The following IFTAP variants were observed in gnomAD, a reference collection of about 807,000 sequenced individuals.
IFTAP encodes the protein intraflagellar transport associated protein.
A neutral mutation model predicts 19.4 loss-of-function variants in IFTAP; 19 were observed. The ratio of observed to expected loss-of-function variants is 0.98; its 90% CI spans 0.68 to 1.44. The LOEUF (loss-of-function observed/expected upper bound fraction) is 1.44, where lower values mean the gene tolerates loss of function less well. Ranked by LOEUF, IFTAP falls within the 40% of genes most tolerant of loss-of-function variation. The pLI is 0.00. For missense variants in IFTAP, 240 were observed against 253.6 expected (o/e 0.95, Z 0.36); for synonymous variants, 85 against 83.5 (o/e 1.02, Z -0.10).
chr11:36,605,438 G>A (rs927635766), intron 1 of IFTAP, among the ~76,000 whole-genome samples: 9 of 152,162 alleles, frequency 5.9e-5, no homozygotes, highest in South Asian at 2.1e-4. Flanking sequence ...CATTAAGCAG[G>A]GACCTGAAAG....
intron 2 of IFTAP, among the ~76,000 whole-genome samples, chr11:36,611,287 T>C (rs932167803): frequency 2.0e-5 from 3 of 152,074 alleles, no homozygotes; most frequent in African/African-American, 7.2e-5. Context: ...AGACCATTGG[T>C]TCTCTACCTA....
intron 4 of IFTAP, among the ~76,000 whole-genome samples, chr11:36,642,451 CT>C (rs1853259902): frequency 6.6e-6 from 1 of 152,172 alleles, no homozygotes; most frequent in Non-Finnish European, 1.5e-5. Context: ...GGTACCATTC[CT>C]TCTGAAACTA....
chr11:36,633,738 A>G (rs10836580), intron 3 of IFTAP, among the ~76,000 whole-genome samples: 23,445 of 152,040 alleles, frequency 0.15, 2,613 homozygotes, highest in African/African-American at 0.31. Context: ...TTTGGGACAA[A>G]AGAGCTCCTT....
intron 2 of IFTAP, among the ~76,000 whole-genome samples, chr11:36,627,333 G>A (rs1401769340): frequency 6.6e-6 from 1 of 150,970 alleles, no homozygotes; most frequent in Non-Finnish European, 1.5e-5. Context: ...GCTTTGTGGT[G>A]TGTAAATTAC....
chr11:36,611,034 A>T (rs564377225), intron 2 of IFTAP, among the ~76,000 whole-genome samples: 1 of 152,176 alleles, frequency 6.6e-6, no homozygotes, highest in Non-Finnish European at 1.5e-5. Flanking sequence ...CAGTGAGAAG[A>T]TCTGTTACTT....
rs545908849 is a variant in IFTAP, at chr11:36,636,369, T to C, written c.358+252T>C. ...TCCCCCTTAACAATTCATCACAGGA[T>C]TGATTCTTAGGTAATTGTCTCAAGT... On this transcript the variant is annotated intron_variant, in intron 4 of 5. Transcript: ENST00000334307. Among the ~76,000 whole-genome samples, 3 of 152,344 alleles carry C rather than the reference T, an allele frequency of 2.0e-5. No homozygotes were observed. In the South Asian group the frequency reaches 6.2e-4, roughly 32 times the overall value.
intron 5 of IFTAP, among the ~76,000 whole-genome samples, chr11:36,649,562 A>G (rs768783570): frequency 5.9e-5 from 9 of 152,148 alleles, no homozygotes; most frequent in Admixed American, 6.6e-5. Context: ...TTGAGAATAT[A>G]TATAATCTAG....
intron 2 of IFTAP, among the ~76,000 whole-genome samples, chr11:36,618,349 C>T (rs930576299): frequency 2.6e-5 from 4 of 151,964 alleles, no homozygotes; most frequent in Non-Finnish European, 4.4e-5. Context: ...CTCTGCCTTC[C>T]GTAGGGCATC....
chr11:36,612,728 A>G (rs1304138882), intron 2 of IFTAP, among the ~76,000 whole-genome samples: 1 of 152,006 alleles, frequency 6.6e-6, no homozygotes, highest in Non-Finnish European at 1.5e-5. Context: ...TGACTGTTCT[A>G]TTTATTTTTA....
Position 36,634,889 on chromosome 11 carries a change from G to C in IFTAP, c.292-1162G>C, listed in dbSNP as rs143777178. Among the ~76,000 whole-genome samples, 711 of 151,886 alleles carry C rather than the reference G, an allele frequency of 4.7e-3. 4 individuals are homozygous for C. The highest frequency in any genetic ancestry group is 0.016 in the African/African-American group (654 of 41,452). On this transcript the variant is annotated intron_variant, in intron 3 of 5. Coordinates refer to ENST00000334307, the MANE Select transcript of IFTAP (RefSeq NM_138787.4). ...CTGGGTTCTGGATCTTTTTTCCTTA[G>C]AGCTTAATAAATGAAAGGGGTGCTT...
chr11:36,625,190 T>C (rs769546897), intron 2 of IFTAP, among the ~76,000 whole-genome samples: 13 of 152,126 alleles, frequency 8.5e-5, no homozygotes, highest in Non-Finnish European at 1.8e-4. Flanking sequence ...ATGTGTAAAA[T>C]AGATATAATA....
intron 4 of IFTAP, among the ~76,000 whole-genome samples, chr11:36,638,317 A>T (rs1205743121): frequency 6.6e-6 from 1 of 152,208 alleles, no homozygotes; most frequent in Non-Finnish European, 1.5e-5. Context: ...ATTGATAAAA[A>T]CATCTTACTA....
At chr11:36,594,738 C>A (rs934501685) in intron 1 of IFTAP, 146 bp downstream of exon 1, 4 of 157,326 alleles carry the variant, frequency 2.5e-5, no homozygotes, top group African/African-American at 9.6e-5. Context: ...ATTGCTGGAG[C>A]CTCTCCTGGG....
chr11:36,639,937 G>A lies in IFTAP; in HGVS notation c.358+3820G>A, dbSNP rs1397038949. 2.0e-5 allele frequency among the ~76,000 whole-genome samples: 3 copies of A among 152,148 alleles called. No homozygotes were observed. The East Asian group carries it at 5.8e-4, about 29-fold the overall frequency. On this transcript the variant is annotated intron_variant, in intron 4 of 5. Coordinates refer to ENST00000334307, the MANE Select transcript of IFTAP (RefSeq NM_138787.4). ...CATTCCTAATTTGCAACTTTAAGCA[G>A]CTTTAGGCCACCCCTGAACGACTAG...
At chr11:36,655,632 A>G (rs570770443) in intron 5 of IFTAP, among the ~76,000 whole-genome samples, 3 of 152,300 alleles carry the variant, frequency 2.0e-5, no homozygotes, top group Admixed American at 2.0e-4. Context: ...ATTACAGTAT[A>G]TCTCCAAAAT....
At chr11:36,631,469 T>C (rs1034467475) in intron 2 of IFTAP, among the ~76,000 whole-genome samples, 1 of 151,368 alleles carries the variant, frequency 6.6e-6, no homozygotes, top group Non-Finnish European at 1.5e-5. Flanking sequence ...CAAGTCTTAA[T>C]TCTACCAGTG....
At chr11:36,620,090 G>A (rs1048206562) in intron 2 of IFTAP, among the ~76,000 whole-genome samples, 27 of 151,900 alleles carry the variant, frequency 1.8e-4, no homozygotes, top group African/African-American at 6.0e-4. Flanking sequence ...GTAAGGAAGC[G>A]GTGTTATTTT....
At chr11:36,657,856 A>G (rs1311348845) in intron 5 of IFTAP, among the ~76,000 whole-genome samples, 6 of 152,178 alleles carry the variant, frequency 3.9e-5, no homozygotes, top group Admixed American at 3.9e-4. Flanking sequence ...GGAAAGCACT[A>G]AGGTCCTTTC....
At chr11:36,606,324 A>G (rs1488332446) in intron 1 of IFTAP, among the ~76,000 whole-genome samples, 4 of 152,248 alleles carry the variant, frequency 2.6e-5, no homozygotes, top group East Asian at 3.9e-4. Context: ...TTAGCCAGCC[A>G]TAGTGGCAGG....
Sources: gnomAD v4.1 joint callset for allele counts (sites outside exome capture counted in the v4.1 genomes callset) on GRCh38, gnomAD v4.1.1 for gene constraint, MANE v1.5 for transcripts, NCBI Gene and HGNC (gene_info 2026-07-23, HGNC 2026-07-21) for gene names.